Variants in DLGAP5 observed in about 807,000 individuals in gnomAD.
DLGAP5 encodes DLG associated protein 5.
In DLGAP5, 90 loss-of-function variants were observed where a neutral mutation model predicts 99.6. The ratio of observed to expected loss-of-function variants is 0.90; its 90% CI spans 0.76 to 1.08. DLGAP5 has a LOEUF of 1.08. DLGAP5 is among the 50% of genes least tolerant of loss of function. The pLI is 0.00. For synonymous variants in DLGAP5, 311 were observed against 321.3 expected (o/e 0.97, Z 0.34); for missense variants, 1,036 against 983.5 (o/e 1.05, Z -0.71).
chr14:55,148,270 A>C lies in DLGAP5; in HGVS notation c.*81T>G, dbSNP rs989791352. 4 of 1,421,794 alleles carry C rather than the reference A, an allele frequency of 2.8e-6. No individual in the cohort carries two copies. Among genetic ancestry groups the C allele is most frequent in the African/African-American group, 2.9e-5 (2 of 69,574 alleles). 88.1% of individuals were successfully genotyped at this position (1,421,794 alleles called of 1,614,324 possible). On this transcript the variant is annotated 3_prime_UTR_variant, in exon 19 of 19. Transcript: ENST00000247191. ...ATGCTATAGAAGTGAACACAAATAC[A>C]TTTTCTCCAAAATTTCAATAGTCTA... is the stretch of plus-strand genomic sequence containing the variant.
chr14:55,165,374 T>C lies in DLGAP5; in HGVS notation c.1549-2299A>G, dbSNP rs889163782. Among the ~76,000 whole-genome samples, 3 of 151,920 alleles carry C rather than the reference T, an allele frequency of 2.0e-5. 1 individual carries two copies. The highest frequency in any genetic ancestry group is 4.4e-5 in the Non-Finnish European group (3 of 67,962). ...CCACCTCTACAAAAAAATATAAAAA[T>C]TAGCCAGTCGTGGTGGCACATGCCT... is the stretch of plus-strand genomic sequence containing the variant. On this transcript the variant is annotated intron_variant, in intron 12 of 18. Coordinates refer to ENST00000247191, the MANE Select transcript of DLGAP5 (RefSeq NM_014750.5).
chr14:55,169,548 TAAG>T lies in DLGAP5; in HGVS notation c.1396_1398del (p.Leu466del). 1 of 1,586,904 alleles carries T rather than the reference TAAG, an allele frequency of 6.3e-7. No individual in the cohort carries two copies. The highest frequency in any genetic ancestry group is 8.5e-7 in the Non-Finnish European group (1 of 1,173,064). On this transcript the variant is annotated inframe_deletion, in exon 12 of 19. Coordinates refer to ENST00000247191, the MANE Select transcript of DLGAP5 (RefSeq NM_014750.5). Reference sequence around the variant, plus strand: ...CTTGTTTGACCAACTGCTGTGCGAATAAGATCTTTAGCTGAAGGAAATAAGAGA... The same window carrying T: ...CTTGTTTGACCAACTGCTGTGCGAATATCTTTAGCTGAAGGAAATAAGAGA...
chr14:55,163,093 G>A lies in DLGAP5; in HGVS notation c.1549-18C>T. 6.0e-6 allele frequency: 9 copies of A among 1,488,860 alleles called. No homozygotes were observed. The highest frequency in any genetic ancestry group is 5.5e-6 in the Non-Finnish European group (6 of 1,087,734). The allele number at this position is 1,488,860 out of a possible 1,614,324, so 92.2% of individuals were successfully genotyped here. ...TCTTCTATCTGTTAATAAAGCACAA[G>A]TTTACCAGATTAATGCTAGCCATAT... On this transcript the variant is annotated intron_variant, in intron 12 of 18. Transcript: ENST00000247191.
chr14:55,183,403 G>A (rs1251511470), intron 3 of DLGAP5, among the ~76,000 whole-genome samples, 157 bp downstream of exon 3: 1 of 152,086 alleles, frequency 6.6e-6, no homozygotes, highest in African/African-American at 2.4e-5. Flanking sequence ...TATCTTAAGA[G>A]ACCTGATTTT....
rs1364198492 is a variant in DLGAP5, at chr14:55,170,701, C to T, written c.1387+1G>A. ...AACAAAAAATACAAATGTTGCCTCA[C>T]CATCATCTGGAATGTCCAATTCAAG... On this transcript the variant is annotated splice_donor_variant, in intron 11 of 18. Transcript: ENST00000247191. LOFTEE classifies it high-confidence loss of function. 1 of 1,609,706 alleles carries T rather than the reference C, an allele frequency of 6.2e-7. No individual in the cohort carries two copies. Among genetic ancestry groups the T allele is most frequent in the Admixed American group, 1.7e-5 (1 of 59,938 alleles).
At chr14:55,165,879 G>A (rs776571262) in intron 12 of DLGAP5, among the ~76,000 whole-genome samples, 1 of 152,160 alleles carries the variant, frequency 6.6e-6, no homozygotes, top group African/African-American at 2.4e-5. Flanking sequence ...CTGATAAGGG[G>A]GGGCTACTAT....
At chr14:55,168,356 C>A (rs541060860) in intron 12 of DLGAP5, among the ~76,000 whole-genome samples, 3 of 152,156 alleles carry the variant, frequency 2.0e-5, no homozygotes, top group African/African-American at 7.2e-5. Flanking sequence ...CTTTTTCTAA[C>A]AGGTATTTTT....
At chr14:55,150,014 T>C (rs371377974) in intron 18 of DLGAP5, among the ~76,000 whole-genome samples, 2 of 151,066 alleles carry the variant, frequency 1.3e-5, no homozygotes, top group African/African-American at 2.4e-5. Context: ...GATCACACCA[T>C]TGTACCCCAG....
In DLGAP5 at chr14:55,173,679, G is replaced by A. The variant is rs140160170; in HGVS notation, c.1301+1667C>T. On this transcript the variant is annotated intron_variant, in intron 10 of 18. Coordinates refer to ENST00000247191, the MANE Select transcript of DLGAP5 (RefSeq NM_014750.5). ...CTGGCTGAAGCCATGGCAGAAGAACGTGGATTATGAAGATTTCATGGACAT... is the reference window on the plus strand; with the variant it reads ...CTGGCTGAAGCCATGGCAGAAGAACATGGATTATGAAGATTTCATGGACAT... Among the ~76,000 whole-genome samples the A allele has an allele frequency of 3.2e-3, 492 of 152,200 alleles. 5 individuals carry two copies. Among genetic ancestry groups the A allele is most frequent in the African/African-American group, 0.011 (463 of 41,520 alleles).
chr14:55,187,613 G>C (rs1427200625), intron 2 of DLGAP5, among the ~76,000 whole-genome samples: 1 of 133,328 alleles, frequency 7.5e-6, no homozygotes, highest in Non-Finnish European at 1.6e-5. Flanking sequence ...CACTGTGCCC[G>C]ACCTGATCCT....
At chr14:55,179,526 A>C (rs1355535871) in intron 7 of DLGAP5, 103 bp downstream of exon 7, 47 of 838,308 alleles carry the variant, frequency 5.6e-5, no homozygotes, top group Non-Finnish European at 7.8e-5. Context: ...ACACACATGT[A>C]GGTTAACCTT....
At chr14:55,174,599 G>C (rs1882989608) in intron 10 of DLGAP5, among the ~76,000 whole-genome samples, 1 of 151,968 alleles carries the variant, frequency 6.6e-6, no homozygotes, top group African/African-American at 2.4e-5. Context: ...TTTGTACTCT[G>C]TCCCTTTACT....
intron 3 of DLGAP5, among the ~76,000 whole-genome samples, chr14:55,182,698 T>A (rs1319832739): frequency 6.6e-6 from 1 of 152,138 alleles, no homozygotes; most frequent in Non-Finnish European, 1.5e-5. Flanking sequence ...TGAGCTTCTA[T>A]CCTCTCTTAG....
At chr14:55,161,259 T>G (rs1004654570) in intron 13 of DLGAP5, among the ~76,000 whole-genome samples, 3 of 152,266 alleles carry the variant, frequency 2.0e-5, no homozygotes, top group African/African-American at 7.2e-5. Flanking sequence ...TATTAATATT[T>G]CCAGGACTAA....
chr14:55,178,698 T>C (rs950313754), intron 7 of DLGAP5, among the ~76,000 whole-genome samples: 11 of 152,334 alleles, frequency 7.2e-5, no homozygotes, highest in African/African-American at 2.4e-4. Context: ...CTGTGTTTGA[T>C]TTTTTACTAA....
At chr14:55,148,691 A>T in intron 18 of DLGAP5, 1 of 800,642 alleles carries the variant, frequency 1.2e-6, no homozygotes, top group Non-Finnish European at 2.0e-6. Flanking sequence ...CCACCTCAAA[A>T]ACAAACAAAC....
At chr14:55,189,616 T>C (rs546158047) in intron 1 of DLGAP5, among the ~76,000 whole-genome samples, 1 of 152,140 alleles carries the variant, frequency 6.6e-6, no homozygotes, top group Non-Finnish European at 1.5e-5. Flanking sequence ...CCACACCAGG[T>C]ACCTATTAGT....
intron 16 of DLGAP5, 36 bp downstream of exon 16, chr14:55,152,554 T>C: frequency 6.6e-7 from 1 of 1,519,570 alleles, no homozygotes; most frequent in Non-Finnish European, 8.9e-7. Context: ...ACATATGACA[T>C]ACTGGGCTAT....
rs557709433 is a variant in DLGAP5 at position 55,178,118 on chromosome 14, G to A, written c.775-782C>T. ...ATACAAAAAATTATTGGGGCGTGGTGGCAGGCGCCTATAGTCCCAGCTACT... is the reference window on the plus strand; with the variant it reads ...ATACAAAAAATTATTGGGGCGTGGTAGCAGGCGCCTATAGTCCCAGCTACT... On this transcript the variant is annotated intron_variant, in intron 7 of 18. Coordinates refer to ENST00000247191, the MANE Select transcript of DLGAP5 (RefSeq NM_014750.5). Among the ~76,000 whole-genome samples, 474 of 151,854 alleles carry A rather than the reference G, an allele frequency of 3.1e-3. 5 individuals carry two copies. Among genetic ancestry groups the A allele is most frequent in the African/African-American group, 0.011 (460 of 41,408 alleles).
Sources: gnomAD v4.1 joint callset for allele counts (sites outside exome capture counted in the v4.1 genomes callset) on GRCh38, gnomAD v4.1.1 for gene constraint, MANE v1.5 for transcripts, NCBI Gene and HGNC (gene_info 2026-07-23, HGNC 2026-07-21) for gene names.